Variants in SKA2 observed in about 807,000 individuals in gnomAD.
SKA2 encodes the protein spindle and kinetochore-associated protein 2.
SKA2 carries 13 observed loss-of-function variants against 16.9 expected under a neutral mutation model. That is an observed-to-expected ratio of 0.77 (90% confidence interval 0.50 to 1.22). The LOEUF is 1.22. Ranked by LOEUF, SKA2 falls within the 50% of genes most tolerant of loss-of-function variation. SKA2 has a pLI of 0.00. For missense variants in SKA2, 107 were observed against 139.7 expected (o/e 0.77, Z 1.18); for synonymous variants, 47 against 48.5 (o/e 0.97, Z 0.13).
chr17:59,154,819 A>G, intron 1 of SKA2: 3 of 893,690 alleles, frequency 3.4e-6, no homozygotes, highest in Non-Finnish European at 5.2e-6. Context: ...TGGTACAAAC[A>G]CAGAATGCGG....
At chr17:59,138,739 G>A (rs2046464831) in intron 1 of SKA2, among the ~76,000 whole-genome samples, 1 of 152,018 alleles carries the variant, frequency 6.6e-6, no homozygotes, top group Admixed American at 6.6e-5. Flanking sequence ...GCCTGTTCTA[G>A]TCTAGTTTTC....
At chr17:59,119,730 A>C (rs950247410) in intron 2 of SKA2, among the ~76,000 whole-genome samples, 1 of 152,176 alleles carries the variant, frequency 6.6e-6, no homozygotes, top group African/African-American at 2.4e-5. Flanking sequence ...CCACCAAAAA[A>C]ATTAGCAATA....
intron 3 of SKA2, among the ~76,000 whole-genome samples, chr17:59,115,187 G>A (rs746465803): frequency 1.9e-4 from 29 of 151,350 alleles, no homozygotes; most frequent in African/African-American, 2.7e-4. Context: ...CCGAGTAGCT[G>A]GGATTACAGG....
intron 1 of SKA2, among the ~76,000 whole-genome samples, chr17:59,138,256 A>C (rs955398963): frequency 3.3e-5 from 5 of 152,020 alleles, no homozygotes; most frequent in Admixed American, 3.3e-4. Flanking sequence ...ACCAGGTTAC[A>C]TTCTGCCAGT....
At chr17:59,119,543 C>A in intron 2 of SKA2, 48 bp from the exon 3 acceptor site, 1 of 1,545,336 alleles carries the variant, frequency 6.5e-7, no homozygotes, top group Non-Finnish European at 8.9e-7. Context: ...AAAGATTAAA[C>A]TTTTTAAGAA....
At chr17:59,149,274 G>T (rs1473628362) in intron 1 of SKA2, among the ~76,000 whole-genome samples, 1 of 152,158 alleles carries the variant, frequency 6.6e-6, no homozygotes, top group Non-Finnish European at 1.5e-5. Context: ...TTGGGAGACT[G>T]AAGTGGGAAG....
chr17:59,122,285 G>A (rs2046340313), intron 2 of SKA2, among the ~76,000 whole-genome samples: 1 of 152,016 alleles, frequency 6.6e-6, no homozygotes, highest in South Asian at 2.1e-4. Context: ...ACCAGCCTGG[G>A]CAACATAGCG....
intron 1 of SKA2, among the ~76,000 whole-genome samples, chr17:59,146,015 T>A (rs1426166791): frequency 6.6e-6 from 1 of 150,590 alleles, no homozygotes; most frequent in African/African-American, 2.4e-5. Context: ...AGGAAACACA[T>A]AATGAAACAA....
At chr17:59,120,425 T>TA (rs2046324928) in intron 2 of SKA2, among the ~76,000 whole-genome samples, 1 of 151,852 alleles carries the variant, frequency 6.6e-6, no homozygotes, top group African/African-American at 2.4e-5. Context: ...ATTTTTTTTT[T>TA]AAATAGATAC....
intron 3 of SKA2, chr17:59,117,973 T>C (rs1226104722): frequency 6.6e-6 from 1 of 152,214 alleles, no homozygotes; most frequent in Non-Finnish European, 1.5e-5. Flanking sequence ...ACTGAAATCC[T>C]CTTATCACTG....
chr17:59,119,537 A>T (rs748223131), intron 2 of SKA2, 42 bp from the exon 3 acceptor site: 1 of 1,574,626 alleles, frequency 6.4e-7, no homozygotes, highest in South Asian at 1.1e-5. Flanking sequence ...ATTATGAAAG[A>T]TTAAACTTTT....
chr17:59,139,396 CAAA>C (rs113246125), intron 1 of SKA2, among the ~76,000 whole-genome samples: 1 of 50,322 alleles, frequency 2.0e-5, no homozygotes, highest in Admixed American at 1.9e-4. Flanking sequence ...GACTCCGTCT[CAAA>C]AAAAAAAAAA....
intron 3 of SKA2, among the ~76,000 whole-genome samples, chr17:59,113,486 G>A (rs369900940): frequency 6.4e-4 from 97 of 151,822 alleles, no homozygotes; most frequent in African/African-American, 2.2e-3. Context: ...TCGCACCACT[G>A]AACTCCATCC....
In SKA2 at chr17:59,144,011, C is replaced by T. The variant is rs149570279; in HGVS notation, c.33+11120G>A. 2.6e-3 allele frequency among the ~76,000 whole-genome samples: 394 copies of T among 152,026 alleles called. 2 individuals are homozygous for T. The highest frequency in any genetic ancestry group is 9.2e-3 in the African/African-American group (383 of 41,494). The stretch of plus-strand genomic sequence containing the variant: ...TCTCTACTAAAAATACAAAAATTAG[C>T]GAGGCGTGGCGTCATGCGCCTGTAG... On this transcript the variant is annotated intron_variant, in intron 1 of 3. Transcript: ENST00000330137.
intron 3 of SKA2, among the ~76,000 whole-genome samples, chr17:59,113,846 A>G (rs1447215407): frequency 6.6e-6 from 1 of 152,014 alleles, no homozygotes; most frequent in Non-Finnish European, 1.5e-5. Flanking sequence ...AAAAAGATAA[A>G]GGAAAATGTA....
chr17:59,154,188 G>T (rs201642868), intron 1 of SKA2, among the ~76,000 whole-genome samples: 1 of 138,302 alleles, frequency 7.2e-6, no homozygotes, highest in South Asian at 2.3e-4. Context: ...AAAAAAAAAA[G>T]AAAAGAAAAG....
intron 2 of SKA2, among the ~76,000 whole-genome samples, chr17:59,126,978 G>C (rs550791017): frequency 8.5e-5 from 13 of 152,202 alleles, no homozygotes; most frequent in Non-Finnish European, 1.8e-4. Context: ...TATGAATCTT[G>C]AGAACATTAT....
chr17:59,141,565 C>T (rs749476678), intron 1 of SKA2, among the ~76,000 whole-genome samples: 1 of 151,490 alleles, frequency 6.6e-6, no homozygotes, highest in Non-Finnish European at 1.5e-5. Flanking sequence ...AACCTCATCT[C>T]TACAAAAAAT....
chr17:59,134,463 T>C (rs568109190), intron 1 of SKA2, among the ~76,000 whole-genome samples: 1 of 152,340 alleles, frequency 6.6e-6, no homozygotes, highest in Admixed American at 6.5e-5. Flanking sequence ...AACATGTTTA[T>C]GAAACGAAGT....
Sources: gnomAD v4.1 joint callset for allele counts (sites outside exome capture counted in the v4.1 genomes callset) on GRCh38, gnomAD v4.1.1 for gene constraint, MANE v1.5 for transcripts, NCBI Gene and HGNC (gene_info 2026-07-23, HGNC 2026-07-21) for gene names.